MMEL1: variants seen among roughly 807,000 people sequenced by gnomAD.
MMEL1 encodes the protein membrane metallo-endopeptidase-like 1.
Under a neutral mutation model 117.1 loss-of-function variants are expected in MMEL1, and 98 were observed. The ratio of observed to expected loss-of-function variants is 0.84; its 90% CI spans 0.71 to 0.99. MMEL1 has a LOEUF of 0.99. MMEL1 is among the 50% of genes least tolerant of loss of function. The pLI, the probability that MMEL1 is intolerant of heterozygous loss-of-function variation, is 0.00. For missense variants in MMEL1, 1,014 were observed against 1,049.1 expected (o/e 0.97, Z 0.46); for synonymous variants, 390 against 415.1 (o/e 0.94, Z 0.74).
intron 2 of MMEL1, among the ~76,000 whole-genome samples, chr1:2,628,072 T>A (rs1447648614): frequency 6.6e-6 from 1 of 152,200 alleles, no homozygotes; most frequent in African/African-American, 2.4e-5. Context: ...CAGCCTTGTT[T>A]TATGAAAGCC....
chr1:2,626,391 A>G (rs1638281928), intron 2 of MMEL1, among the ~76,000 whole-genome samples: 1 of 152,236 alleles, frequency 6.6e-6, no homozygotes, highest in Admixed American at 6.5e-5. Flanking sequence ...GGGGCACTCC[A>G]GTCTTGGGGT....
chr1:2,628,653 A>G lies in MMEL1; in HGVS notation c.154+678T>C, dbSNP rs935577328. Reference sequence around the variant, plus strand: ...GGTGCCTGGGAGCCCCTGAACCAAGAGGGGAGATCAAGGGAGGGGCCGGCG... The same window carrying G: ...GGTGCCTGGGAGCCCCTGAACCAAGGGGGGAGATCAAGGGAGGGGCCGGCG... On this transcript the variant is annotated intron_variant, in intron 2 of 23. Transcript: ENST00000378412. Among the ~76,000 whole-genome samples the G allele has an allele frequency of 5.1e-5, 3 of 59,170 alleles. No individual in the cohort carries two copies. In the Admixed American group the frequency reaches 6.9e-4, roughly 14 times the overall value. 38.8% of individuals were successfully genotyped at this position (59,170 alleles called of 152,430 possible).
intron 17 of MMEL1, 141 bp from the exon 18 acceptor site, chr1:2,594,584 G>A (rs1420390045): frequency 4.3e-6 from 5 of 1,150,796 alleles, no homozygotes; most frequent in Non-Finnish European, 6.3e-6. Flanking sequence ...GTTCCTTCCT[G>A]GGGTCCCTGA....
intron 6 of MMEL1, 146 bp from the exon 7 acceptor site, chr1:2,607,215 C>G (rs1014054439): frequency 1.5e-6 from 1 of 660,044 alleles, no homozygotes; most frequent in African/African-American, 1.8e-5. Flanking sequence ...AGCCTCTGGG[C>G]CTTTACACCT....
At chr1:2,601,364 C>G (rs1018430233) in intron 11 of MMEL1, among the ~76,000 whole-genome samples, 2 of 152,102 alleles carry the variant, frequency 1.3e-5, no homozygotes, top group African/African-American at 2.4e-5. Flanking sequence ...CAGGGGCTCA[C>G]AGGGGGCTCT....
At chr1:2,632,530 C>T (rs180740789) in intron 1 of MMEL1, 155 of 154,578 alleles carry the variant, frequency 1.0e-3, no homozygotes, top group African/African-American at 3.6e-3. Context: ...ATGTGCCCCA[C>T]GGCACACACA....
intron 2 of MMEL1, among the ~76,000 whole-genome samples, chr1:2,619,933 G>C (rs777260142): frequency 5.6e-4 from 85 of 152,290 alleles, no homozygotes; most frequent in Non-Finnish European, 3.5e-4. Flanking sequence ...ATGGAGGACA[G>C]TGGGAAAAAT....
At chr1:2,614,899 T>A (rs1355650280) in intron 2 of MMEL1, among the ~76,000 whole-genome samples, 2 of 147,888 alleles carry the variant, frequency 1.4e-5, no homozygotes, top group African/African-American at 5.0e-5. Context: ...AAGAAAGTGC[T>A]CCCCCCCAAA....
intron 6 of MMEL1, among the ~76,000 whole-genome samples, chr1:2,608,927 A>C (rs1194895655): frequency 6.9e-6 from 1 of 144,114 alleles, no homozygotes; most frequent in East Asian, 2.0e-4. Context: ...ACATACACGT[A>C]TACACATATA....
intron 5 of MMEL1, 39 bp downstream of exon 5, chr1:2,609,631 C>T (rs559863020): frequency 1.7e-5 from 27 of 1,583,722 alleles, no homozygotes; most frequent in Admixed American, 1.0e-4. Flanking sequence ...CTGTCCTGTT[C>T]GGCGTCACCC....
intron 6 of MMEL1, among the ~76,000 whole-genome samples, chr1:2,607,961 T>C (rs4445406): frequency 0.41 from 62,743 of 152,030 alleles, 13,590 homozygotes; most frequent in African/African-American, 0.52. Context: ...AGGGCTGGGT[T>C]CCCGGCTGGG....
At chr1:2,594,760 C>G (rs375440241) in intron 17 of MMEL1, 30 bp downstream of exon 17, 27 of 1,581,598 alleles carry the variant, frequency 1.7e-5, no homozygotes, top group Non-Finnish European at 2.2e-5. Context: ...TGGCCCCCCC[C>G]GCCCATGCCG....
intron 1 of MMEL1, chr1:2,629,826 C>G (rs547885651): frequency 1.1e-4 from 25 of 224,310 alleles, no homozygotes; most frequent in Admixed American, 4.5e-4. Context: ...TGGAGCCCCC[C>G]CCCTGGGCTG....
Position 2,591,065 on chromosome 1 carries a change from C to T in MMEL1, c.2265G>A (p.Leu755=). 6.2e-7 allele frequency: 1 copy of T among 1,604,476 alleles called. No individual in the cohort carries two copies. The highest frequency in any genetic ancestry group is 1.7e-4 in the Middle Eastern group (1 of 5,800). Residue 755 remains leucine, a synonymous_variant, in exon 24 of 24, where the codon CTG becomes CTA. Coordinates refer to ENST00000378412, the MANE Select transcript of MMEL1 (RefSeq NM_033467.4). The part of the protein sequence containing the change: ...KYRVLGSLQN[L]AAFADTFHCA... ...AGTGGAACGTGTCTGCGAAGGCGGCCAGGTTCTGCAGCGACCCCAGTACCC... is the reference window on the plus strand; with the variant it reads ...AGTGGAACGTGTCTGCGAAGGCGGCTAGGTTCTGCAGCGACCCCAGTACCC...
In MMEL1 at chr1:2,596,572, T is replaced by C. The variant is rs1413194018; in HGVS notation, c.1390A>G (p.Ser464Gly). ...TGAGGGGCGCCCACCATGCTCTTGC[T>C]GTCTCCAGGGAACGCCTCCCTGACG... ...LYVREAFPGD[S>G]KSMVRELIDK... Residue 464 changes from serine (S) to glycine (G), a missense_variant, in exon 14 of 24, where the codon AGC (serine) becomes GGC (glycine). By Grantham distance (56) the Ser-to-Gly change is moderately conservative. Coordinates refer to ENST00000378412, the MANE Select transcript of MMEL1 (RefSeq NM_033467.4). The C allele has an allele frequency of 6.2e-7, 1 of 1,610,830 alleles. No individual in the cohort carries two copies. The highest frequency in any genetic ancestry group is 8.5e-7 in the Non-Finnish European group (1 of 1,179,734).
rs1223808302 is a variant in MMEL1, at chr1:2,629,398, CAG to C, written c.85_86del (p.Leu29AlafsTer31). The C allele has an allele frequency of 6.5e-7, 1 of 1,546,380 alleles. No individual in the cohort carries two copies. The highest frequency in any genetic ancestry group is 1.2e-5 in the South Asian group (1 of 83,988). Reference sequence around the variant, plus strand: ...CGGTCACCAGCAGCAGCAGCAGCAGCAGCCCCCCCTCCAGGAACCCCGGGCGC... The same window carrying C: ...CGGTCACCAGCAGCAGCAGCAGCAGCCCCCCCCTCCAGGAACCCCGGGCGC... Reference protein sequence around the residue: ...QKRPGFLEGGLLLLLLLVTAA... With the variant: ...QKRPGFLEGGXLLLLLLVTAA... On this transcript the variant is annotated frameshift_variant, in exon 2 of 24. Coordinates refer to ENST00000378412, the MANE Select transcript of MMEL1 (RefSeq NM_033467.4). LOFTEE classifies it high-confidence loss of function.
In MMEL1 at chr1:2,595,248, C is replaced by A; in HGVS notation, c.1584+28G>T. 1 of 1,595,710 alleles carries A rather than the reference C, an allele frequency of 6.3e-7. No homozygotes were observed. The highest frequency in any genetic ancestry group is 1.7e-5 in the Admixed American group (1 of 59,784). On this transcript the variant is annotated intron_variant, in intron 16 of 23. Transcript: ENST00000378412. The surrounding 1 kb of genome is among the most constrained non-coding windows in gnomAD (Gnocchi z 4.8). Reference sequence around the variant, plus strand: ...GGGCCCATGTCCACGGTGTGGGGGGCAGTTTAGGGCTGGGGTTGGGGGCGC... The same window carrying A: ...GGGCCCATGTCCACGGTGTGGGGGGAAGTTTAGGGCTGGGGTTGGGGGCGC...
Position 2,612,209 on chromosome 1 carries a change from G to A in MMEL1, c.155-5C>T. On this transcript the variant is annotated splice_polypyrimidine_tract_variant and splice_region_variant and intron_variant, in intron 2 of 23. Coordinates refer to ENST00000378412, the MANE Select transcript of MMEL1 (RefSeq NM_033467.4). This position sits in a 1 kb window ranked among gnomAD's most constrained non-coding sequence, Gnocchi z 5.4. ...CAAGGCGTGGCAGCTGCTTCCCTGGGGAGAAACACAGCGCTCAGCTGCGGC... is the reference window on the plus strand; with the variant it reads ...CAAGGCGTGGCAGCTGCTTCCCTGGAGAGAAACACAGCGCTCAGCTGCGGC... The A allele has an allele frequency of 6.4e-7, 1 of 1,566,088 alleles. No individual in the cohort carries two copies. The highest frequency in any genetic ancestry group is 8.7e-7 in the Non-Finnish European group (1 of 1,154,422).
At chr1:2,596,822 C>T (rs1644850072) in intron 13 of MMEL1, 133 bp from the exon 14 acceptor site, 17 of 1,003,810 alleles carry the variant, frequency 1.7e-5, no homozygotes, top group South Asian at 7.8e-5. Context: ...AGCGGGGGCA[C>T]GGGATGATCT....
Sources: allele counts gnomAD v4.1 joint callset (sites outside exome capture counted in the v4.1 genomes callset), GRCh38; gene constraint gnomAD v4.1.1; non-coding constraint Gnocchi (gnomAD v3.1); transcripts MANE v1.5; gene names NCBI Gene and HGNC (gene_info 2026-07-23, HGNC 2026-07-21).